ARL6IP6: variants seen among roughly 807,000 people sequenced by gnomAD.
ARL6IP6 encodes ARF like GTPase 6 interacting protein 6, also known as ADP-ribosylation factor-like protein 6-interacting protein 6.
A neutral mutation model predicts 21.5 loss-of-function variants in ARL6IP6; 22 were observed. The observed-to-expected ratio is 1.02, with a 90% CI of 0.73 to 1.46. The LOEUF (loss-of-function observed/expected upper bound fraction) is 1.46, where lower values mean the gene tolerates loss of function less well. ARL6IP6 is among the 40% of genes most tolerant of loss of function. The pLI, the probability that ARL6IP6 is intolerant of heterozygous loss-of-function variation, is 0.00. For missense variants in ARL6IP6, 388 were observed against 299.8 expected (o/e 1.29, Z -2.17); for synonymous variants, 164 against 125.3 (o/e 1.31, Z -2.06).
chr2:152,756,665 T>C (rs574211782), intron 3 of ARL6IP6, among the ~76,000 whole-genome samples: 3 of 152,196 alleles, frequency 2.0e-5, no homozygotes, highest in African/African-American at 7.2e-5. Flanking sequence ...AAAAAGAGGC[T>C]TTCTGAATGG....
In ARL6IP6 at chr2:152,760,595, C is replaced by CA. The variant is rs1358168677; in HGVS notation, c.*761dup. On this transcript the variant is annotated 3_prime_UTR_variant, in exon 4 of 4. Transcript: ENST00000326446. ...GAAAATTAAGTAAGTTTATTTTTAA[C>CA]AAAAAATGCCTGAAAAAAGCTAAAT... 2.0e-5 allele frequency: 3 copies of CA among 151,206 alleles called. No homozygotes were observed. The highest frequency in any genetic ancestry group is 4.4e-5 in the Non-Finnish European group (3 of 67,732). The allele number at this position is 151,206 out of a possible 1,614,324, so 9.4% of individuals were successfully genotyped here.
chr2:152,734,077 A>T (rs1700446075), intron 2 of ARL6IP6, among the ~76,000 whole-genome samples: 1 of 152,222 alleles, frequency 6.6e-6, no homozygotes, highest in South Asian at 2.1e-4. Flanking sequence ...AGAAGAAGTC[A>T]TTATCCTTTT....
intron 1 of ARL6IP6, 62 bp from the exon 2 acceptor site, chr2:152,720,471 C>A: frequency 6.5e-7 from 1 of 1,530,284 alleles, no homozygotes; most frequent in South Asian, 1.1e-5. Context: ...CTTCACAGCC[C>A]TTGAGTTACT....
Position 152,735,123 on chromosome 2 carries a change from T to A in ARL6IP6, c.584T>A (p.Phe195Tyr). ...CCTACTCCTCTTTCACCTGCCAGGT[T>A]CAAGTAAGTATTCCTGTTTCCTGTT... ...FPPTPLSPAR[F>Y]KKLTGHSFHM... Residue 195 changes from phenylalanine (F) to tyrosine (Y), a missense_variant, in exon 3 of 4, where the codon TTC becomes TAC. Coordinates refer to ENST00000326446, the MANE Select transcript of ARL6IP6 (RefSeq NM_152522.7). 1 of 1,613,626 alleles carries A rather than the reference T, an allele frequency of 6.2e-7. No homozygotes were observed. Among genetic ancestry groups the A allele is most frequent in the Non-Finnish European group, 8.5e-7 (1 of 1,179,686 alleles).
At position 152,718,624 on chromosome 2, in the gene ARL6IP6, C is replaced by A; in HGVS notation, c.-1C>A. The A allele has an allele frequency of 1.3e-6, 2 of 1,520,436 alleles. No individual in the cohort carries two copies. The highest frequency in any genetic ancestry group is 1.8e-6 in the Non-Finnish European group (2 of 1,133,512). The allele number at this position is 1,520,436 out of a possible 1,614,324, so 94.2% of individuals were successfully genotyped here. Reference sequence around the variant, plus strand: ...CCGCGGGTTTCGTTGTGTTTCGCGCCATGTCGTTTGCTGAGAGCGGGTGGC... The same window carrying A: ...CCGCGGGTTTCGTTGTGTTTCGCGCAATGTCGTTTGCTGAGAGCGGGTGGC... On this transcript the variant is annotated 5_prime_UTR_variant, in exon 1 of 4. Coordinates refer to ENST00000326446, the MANE Select transcript of ARL6IP6 (RefSeq NM_152522.7).
intron 2 of ARL6IP6, among the ~76,000 whole-genome samples, chr2:152,725,900 C>G (rs993543825): frequency 2.0e-5 from 3 of 151,976 alleles, no homozygotes; most frequent in Non-Finnish European, 2.9e-5. Flanking sequence ...TCTTTTTGCT[C>G]TCTAAATTAT....
chr2:152,734,601 C>T (rs1331785529), intron 2 of ARL6IP6, among the ~76,000 whole-genome samples: 1 of 152,144 alleles, frequency 6.6e-6, no homozygotes, highest in East Asian at 1.9e-4. Context: ...AACCATCCTC[C>T]CACCTCAGTC....
chr2:152,723,698 T>C (rs908805147), intron 2 of ARL6IP6, among the ~76,000 whole-genome samples: 1 of 152,184 alleles, frequency 6.6e-6, no homozygotes, highest in African/African-American at 2.4e-5. Context: ...GCAATTCTCA[T>C]TTTGGTATGG....
chr2:152,720,517 C>T lies in ARL6IP6; in HGVS notation c.401-16C>T, dbSNP rs371131507. The T allele has an allele frequency of 1.2e-6, 2 of 1,611,914 alleles. No individual in the cohort carries two copies. The highest frequency in any genetic ancestry group is 1.3e-5 in the African/African-American group (1 of 74,830). On this transcript the variant is annotated splice_polypyrimidine_tract_variant and intron_variant, in intron 1 of 3. Transcript: ENST00000326446. ...TAGTATTGCTTTCCTACCTAAGTCC[C>T]TCTTTGTATTTGCAGAGTTGCATGC...
intron 3 of ARL6IP6, among the ~76,000 whole-genome samples, chr2:152,740,528 A>G (rs966320362): frequency 6.6e-6 from 1 of 151,114 alleles, no homozygotes; most frequent in Non-Finnish European, 1.5e-5. Flanking sequence ...AATACAAAAT[A>G]TAAAATATAA....
chr2:152,735,454 T>C (rs1363378185), intron 3 of ARL6IP6, among the ~76,000 whole-genome samples: 1 of 152,242 alleles, frequency 6.6e-6, no homozygotes, highest in East Asian at 1.9e-4. Flanking sequence ...ACCAACAATT[T>C]GAAAGTTTTA....
chr2:152,726,172 A>C (rs757876971), intron 2 of ARL6IP6, among the ~76,000 whole-genome samples: 12 of 152,122 alleles, frequency 7.9e-5, no homozygotes, highest in Non-Finnish European at 1.6e-4. Context: ...TCCCATGTGA[A>C]TCTAATGATT....
chr2:152,727,745 A>ACAG (rs1288846574), intron 2 of ARL6IP6, among the ~76,000 whole-genome samples: 4 of 146,430 alleles, frequency 2.7e-5, no homozygotes, highest in African/African-American at 9.9e-5. Context: ...CATTGGAATA[A>ACAG]TAGGATATAA....
At chr2:152,719,457 A>G (rs1374524716) in intron 1 of ARL6IP6, among the ~76,000 whole-genome samples, 2 of 152,372 alleles carry the variant, frequency 1.3e-5, no homozygotes, top group East Asian at 1.9e-4. Context: ...CTTGAGGGAC[A>G]AAGATTTTCA....
intron 3 of ARL6IP6, among the ~76,000 whole-genome samples, chr2:152,741,212 G>A (rs1392912538): frequency 1.3e-5 from 2 of 151,838 alleles, no homozygotes; most frequent in Non-Finnish European, 2.9e-5. Context: ...AAAGAAAAAT[G>A]GAAATAATCA....
At chr2:152,752,123 C>A (rs1701362444) in intron 3 of ARL6IP6, among the ~76,000 whole-genome samples, 1 of 152,150 alleles carries the variant, frequency 6.6e-6, no homozygotes, top group Non-Finnish European at 1.5e-5. Context: ...TTTCCCTTAT[C>A]TTTCTCTTCA....
chr2:152,754,397 C>T (rs576583918), intron 3 of ARL6IP6, among the ~76,000 whole-genome samples: 82 of 152,238 alleles, frequency 5.4e-4, no homozygotes, highest in African/African-American at 1.9e-3. Flanking sequence ...TGGCATATGT[C>T]AGTACTTCAT....
intron 3 of ARL6IP6, among the ~76,000 whole-genome samples, chr2:152,738,450 A>C (rs1266176422): frequency 6.6e-6 from 1 of 152,162 alleles, no homozygotes; most frequent in African/African-American, 2.4e-5. Context: ...GTTCTCCATG[A>C]GGGCTCCACC....
intron 2 of ARL6IP6, among the ~76,000 whole-genome samples, chr2:152,724,234 G>C (rs1699932507): frequency 6.6e-6 from 1 of 151,882 alleles, no homozygotes; most frequent in Non-Finnish European, 1.5e-5. Context: ...CAATGTATAA[G>C]TGTAACTTGC....
Sources: gnomAD v4.1 joint callset for allele counts (sites outside exome capture counted in the v4.1 genomes callset) on GRCh38, gnomAD v4.1.1 for gene constraint, MANE v1.5 for transcripts, NCBI Gene and HGNC (gene_info 2026-07-23, HGNC 2026-07-21) for gene names.